The following KIF15 variants were observed in gnomAD, a reference collection of about 807,000 sequenced individuals.
The protein encoded by KIF15 is kinesin-like protein KIF15.
Under a neutral mutation model 190.6 loss-of-function variants are expected in KIF15, and 140 were observed. That is an observed-to-expected ratio of 0.73 (90% CI 0.64 to 0.84). The LOEUF (loss-of-function observed/expected upper bound fraction) is 0.84, where lower values mean the gene tolerates loss of function less well. KIF15 is among the 40% of genes least tolerant of loss of function. The pLI is 0.00. For missense variants in KIF15, 1,372 were observed against 1,584.4 expected (o/e 0.87, Z 2.28); for synonymous variants, 528 against 551.3 (o/e 0.96, Z 0.59).
At chr3:44,840,536 A>T in intron 28 of KIF15, 80 bp downstream of exon 28, 1 of 886,300 alleles carries the variant, frequency 1.1e-6, no homozygotes, top group Non-Finnish European at 1.8e-6. Context: ...GGAAGAACAT[A>T]CCTTTGTCTT....
At chr3:44,857,819 A>C (rs1428183959), downstream of KIF15, among the ~76,000 whole-genome samples, 2 of 152,184 alleles carry the variant, frequency 1.3e-5, no homozygotes, top group Non-Finnish European at 2.9e-5. Context: ...AATTATGCCG[A>C]GGTAGGTAAC....
At chr3:44,854,815 G>T (rs984917584), downstream of KIF15, among the ~76,000 whole-genome samples, 11 of 152,132 alleles carry the variant, frequency 7.2e-5, no homozygotes, top group Admixed American at 4.6e-4. Context: ...GGAATCCTTG[G>T]TGTTCTTCCT....
intron 26 of KIF15, 61 bp from the exon 27 acceptor site, chr3:44,838,211 AATG>A (rs1698419192): frequency 6.7e-7 from 1 of 1,499,584 alleles, no homozygotes; most frequent in South Asian, 1.3e-5. Flanking sequence ...TGTACATAGT[AATG>A]ATTTGGGAAT....
At chr3:44,812,340 T>C in intron 18 of KIF15, 51 bp downstream of exon 18, 1 of 1,285,040 alleles carries the variant, frequency 7.8e-7, no homozygotes, top group South Asian at 1.2e-5. Context: ...CCTCAAATGT[T>C]ACCTTGAGGA....
chr3:44,817,960 C>A (rs1708100287), intron 20 of KIF15, among the ~76,000 whole-genome samples: 1 of 152,130 alleles, frequency 6.6e-6, no homozygotes, highest in African/African-American at 2.4e-5. Context: ...TCCTTCACAT[C>A]CCTTGTAAGT....
intron 6 of KIF15, among the ~76,000 whole-genome samples, chr3:44,864,818 G>A (rs983748992): frequency 1.3e-5 from 2 of 152,152 alleles, no homozygotes; most frequent in African/African-American, 4.8e-5. Context: ...TCTTTCTTGT[G>A]TACTTTGCTG....
intron 26 of KIF15, among the ~76,000 whole-genome samples, chr3:44,832,882 G>A (rs1698136110): frequency 6.6e-6 from 1 of 151,902 alleles, no homozygotes; most frequent in African/African-American, 2.4e-5. Context: ...AGGTGTGGTG[G>A]TGCGTGCCTG....
chr3:44,791,356 T>C (rs1319741743), intron 7 of KIF15, among the ~76,000 whole-genome samples: 2 of 152,270 alleles, frequency 1.3e-5, no homozygotes, highest in Non-Finnish European at 2.9e-5. Context: ...TTGATTATTA[T>C]ATAACTTGTT....
chr3:44,793,854 A>G (rs1575601013), intron 7 of KIF15, among the ~76,000 whole-genome samples: 1 of 143,966 alleles, frequency 6.9e-6, no homozygotes, highest in Non-Finnish European at 1.5e-5. Flanking sequence ...AAGTGTACCT[A>G]TTCTTGTTCC....
intron 20 of KIF15, among the ~76,000 whole-genome samples, chr3:44,824,956 C>T (rs1048686110): frequency 2.6e-5 from 4 of 152,024 alleles, no homozygotes; most frequent in East Asian, 3.9e-4. Context: ...GACAGAGTTT[C>T]GCCATGTTGT....
intron 4 of KIF15, 62 bp downstream of exon 4, chr3:44,778,253 G>A (rs1441834547): frequency 1.5e-6 from 2 of 1,292,444 alleles, no homozygotes; most frequent in Non-Finnish European, 2.3e-6. Context: ...TGTTGCTGTT[G>A]TAACAAATTA....
intron 1 of KIF15, among the ~76,000 whole-genome samples, chr3:44,762,601 GGATCTTTGT>G (rs1302295230): frequency 9.9e-5 from 15 of 152,268 alleles, no homozygotes; most frequent in African/African-American, 3.6e-4. Flanking sequence ...TGATTTAATG[GGATCTTTGT>G]GAGTGGTCTG....
At chr3:44,860,937 T>C (rs1699235731) in intron 6 of KIF15, among the ~76,000 whole-genome samples, 1 of 152,248 alleles carries the variant, frequency 6.6e-6, no homozygotes, top group African/African-American at 2.4e-5. Flanking sequence ...TAGCACTTTA[T>C]ACATTTCAAC....
chr3:44,849,476 A>G (rs919919896), intron 32 of KIF15, among the ~76,000 whole-genome samples: 1 of 152,132 alleles, frequency 6.6e-6, no homozygotes, highest in African/African-American at 2.4e-5. Context: ...AATTTTTTTT[A>G]AATAAATTTT....
intron 24 of KIF15, among the ~76,000 whole-genome samples, chr3:44,829,593 A>G (rs1697919217): frequency 1.5e-5 from 2 of 131,322 alleles, no homozygotes; most frequent in African/African-American, 5.9e-5. Context: ...TATATTATAT[A>G]TTATATATGC....
chr3:44,776,537 A>T (rs1705900435), intron 3 of KIF15, among the ~76,000 whole-genome samples: 1 of 152,234 alleles, frequency 6.6e-6, no homozygotes, highest in African/African-American at 2.4e-5. Flanking sequence ...CATATACACT[A>T]GTCATATTAA....
intron 28 of KIF15, 106 bp from the exon 29 acceptor site, chr3:44,840,968 C>T: frequency 9.0e-7 from 1 of 1,109,796 alleles, no homozygotes; most frequent in Non-Finnish European, 1.3e-6. Flanking sequence ...GCCACCATGC[C>T]CAGCCGTAGC....
chr3:44,777,145 T>A (rs1705930114), intron 3 of KIF15, among the ~76,000 whole-genome samples: 1 of 151,676 alleles, frequency 6.6e-6, no homozygotes, highest in Non-Finnish European at 1.5e-5. Flanking sequence ...CCAGGATAAA[T>A]CTCAGTTATG....
chr3:44,830,208 G>A (rs1229150948), intron 25 of KIF15, 133 bp downstream of exon 25: 1 of 448,308 alleles, frequency 2.2e-6, no homozygotes, highest in African/African-American at 2.1e-5. Flanking sequence ...GTTAAATAAA[G>A]CTCAACAGGT....
Sources: gnomAD v4.1 joint callset for allele counts (sites outside exome capture counted in the v4.1 genomes callset) on GRCh38, gnomAD v4.1.1 for gene constraint, MANE v1.5 for transcripts, NCBI Gene and HGNC (gene_info 2026-07-23, HGNC 2026-07-21) for gene names.